MAOA: variants seen among roughly 807,000 people sequenced by gnomAD.
MAOA encodes monoamine oxidase A, also known as amine oxidase [flavin-containing] A.
Under a neutral mutation model 42.0 loss-of-function variants are expected in MAOA, and 6 were observed. The ratio of observed to expected loss-of-function variants is 0.14; its 90% CI spans 0.08 to 0.28. MAOA has a LOEUF of 0.28. Among genes scored for constraint, MAOA ranks in the 10% least tolerant of loss-of-function variants. The pLI, the probability that MAOA is intolerant of heterozygous loss-of-function variation, is 1.00. For synonymous variants in MAOA, 140 were observed against 154.0 expected (o/e 0.91, Z 0.67); for missense variants, 262 against 422.3 (o/e 0.62, Z 3.33).
chrX:43,730,783 A>G (rs1239646175), intron 6 of MAOA, among the ~76,000 whole-genome samples: 1 of 110,950 alleles, frequency 9.0e-6, no homozygotes, highest in Non-Finnish European at 1.9e-5. Context: ...AACTTTGTCT[A>G]TAATATGGCT....
chrX:43,662,496 A>T (rs1370992447), intron 1 of MAOA, among the ~76,000 whole-genome samples: 1 of 111,555 alleles, frequency 9.0e-6, no homozygotes, highest in Admixed American at 9.6e-5. Flanking sequence ...TGAAAAATGT[A>T]TTTAACAATA....
At chrX:43,736,394 A>C in intron 10 of MAOA, 114 bp downstream of exon 10, 1 of 480,790 alleles carries the variant, frequency 2.1e-6, no homozygotes, top group Non-Finnish European at 3.6e-6. Context: ...ATATTCTCAA[A>C]ATTCCAACAA....
chrX:43,718,620 C>G (rs1011771693), intron 5 of MAOA, among the ~76,000 whole-genome samples: 2 of 106,749 alleles, frequency 1.9e-5, no homozygotes. Context: ...GGGAGACCAT[C>G]AGGGGGATGT....
chrX:43,697,577 A>G (rs1341361704), intron 3 of MAOA, among the ~76,000 whole-genome samples: 2 of 112,401 alleles, frequency 1.8e-5, no homozygotes, highest in African/African-American at 6.5e-5. Context: ...TGAATACTTA[A>G]TCTCATCGAA....
At chrX:43,664,615 G>A (rs991453648) in intron 1 of MAOA, among the ~76,000 whole-genome samples, 4 of 111,950 alleles carry the variant, frequency 3.6e-5, no homozygotes, top group African/African-American at 9.7e-5. Context: ...TAAGGTGACC[G>A]TTTCCAGATT....
chrX:43,679,637 G>A (rs753941263), intron 1 of MAOA, among the ~76,000 whole-genome samples: 1 of 111,254 alleles, frequency 9.0e-6, no homozygotes, highest in African/African-American at 3.3e-5. Context: ...GCAGTGTGGG[G>A]AGAGCCAGTT....
chrX:43,693,926 A>G (rs1453279268), intron 3 of MAOA, among the ~76,000 whole-genome samples: 1 of 111,580 alleles, frequency 9.0e-6, no homozygotes, highest in African/African-American at 3.3e-5. Context: ...ATTCATCCTC[A>G]TTCTTACCTG....
intron 2 of MAOA, among the ~76,000 whole-genome samples, chrX:43,685,059 G>T (rs1331824575): frequency 9.2e-6 from 1 of 108,846 alleles, no homozygotes; most frequent in Non-Finnish European, 1.9e-5. Flanking sequence ...TGTATTTTTA[G>T]TAGAGACAGG....
chrX:43,690,190 C>T (rs1451407758), intron 2 of MAOA, among the ~76,000 whole-genome samples: 1 of 109,255 alleles, frequency 9.2e-6, no homozygotes. Context: ...TATTTTGACA[C>T]CATCTTCCAT....
intron 2 of MAOA, among the ~76,000 whole-genome samples, chrX:43,686,105 A>C (rs993475578): frequency 8.9e-6 from 1 of 112,324 alleles, no homozygotes; most frequent in Non-Finnish European, 1.9e-5. Context: ...GTATGCCTTT[A>C]TTAGATATGA....
chrX:43,722,597 G>C (rs2033800267), intron 5 of MAOA, among the ~76,000 whole-genome samples: 1 of 112,045 alleles, frequency 8.9e-6, no homozygotes, highest in Non-Finnish European at 1.9e-5. Context: ...CCCTTTGTCA[G>C]ATGGGTAGAT....
intron 7 of MAOA, 37 bp downstream of exon 7, chrX:43,731,427 A>C: frequency 8.6e-7 from 1 of 1,165,174 alleles, no homozygotes; most frequent in Non-Finnish European, 1.2e-6. Context: ...TATAGTAAAT[A>C]GGCCTTGTGT....
intron 5 of MAOA, among the ~76,000 whole-genome samples, chrX:43,716,367 A>C (rs752059622): frequency 9.0e-6 from 1 of 111,569 alleles, no homozygotes; most frequent in South Asian, 3.8e-4. Flanking sequence ...AAATTGAGGA[A>C]GGAGGGGAAT....
At chrX:43,736,430 C>A in intron 10 of MAOA, 150 bp downstream of exon 10, 1 of 384,492 alleles carries the variant, frequency 2.6e-6, no homozygotes, top group South Asian at 3.1e-5. Context: ...TTTGCTACAG[C>A]CCTCTTGACC....
intron 3 of MAOA, among the ~76,000 whole-genome samples, chrX:43,703,846 G>T (rs1284371132): frequency 9.0e-6 from 1 of 111,203 alleles, no homozygotes; most frequent in Non-Finnish European, 1.9e-5. Context: ...TATGACCATG[G>T]AAACTATTTT....
At chrX:43,692,234 A>C (rs922538200) in intron 2 of MAOA, among the ~76,000 whole-genome samples, 6 of 110,778 alleles carry the variant, frequency 5.4e-5, no homozygotes, top group African/African-American at 1.3e-4. Context: ...TCAAGTCCAG[A>C]GCCCCATGAA....
Position 43,744,632 on chromosome X carries a change from G to A in MAOA, c.*119G>A, listed in dbSNP as rs2033986035. On this transcript the variant is annotated 3_prime_UTR_variant, in exon 15 of 15. Transcript: ENST00000338702. ...AAGTGTACTGGATTTAACTACCTTTGGCTTAATTCCAATCATTGTTAAAGT... is the reference window on the plus strand; with the variant it reads ...AAGTGTACTGGATTTAACTACCTTTAGCTTAATTCCAATCATTGTTAAAGT... 5 of 785,521 alleles carry A rather than the reference G, an allele frequency of 6.4e-6. No individual in the cohort carries two copies. In the Admixed American group the frequency reaches 1.2e-4, roughly 19 times the overall value. 64.7% of individuals were successfully genotyped at this position (785,521 alleles called of 1,213,427 possible).
chrX:43,709,591 A>G (rs1353466860), intron 3 of MAOA, among the ~76,000 whole-genome samples: 1 of 111,034 alleles, frequency 9.0e-6, no homozygotes, highest in African/African-American at 3.3e-5. Flanking sequence ...TCAGTTTTGC[A>G]TTAGACTATT....
intron 5 of MAOA, among the ~76,000 whole-genome samples, chrX:43,723,651 T>C (rs1277964052): frequency 8.9e-6 from 1 of 111,813 alleles, no homozygotes; most frequent in Non-Finnish European, 1.9e-5. Flanking sequence ...TTTGACTTCC[T>C]CTCTTCCTAA....
Sources: allele counts gnomAD v4.1 joint callset (sites outside exome capture counted in the v4.1 genomes callset), GRCh38; gene constraint gnomAD v4.1.1; transcripts MANE v1.5; gene names NCBI Gene and HGNC (gene_info 2026-07-23, HGNC 2026-07-21).